TAFA4: variants seen among roughly 807,000 people sequenced by gnomAD.
The protein encoded by TAFA4 is TAFA chemokine like family member 4.
TAFA4 carries 20 observed loss-of-function variants against 21.1 expected under a neutral mutation model. The ratio of observed to expected loss-of-function variants is 0.95; its 90% CI spans 0.67 to 1.38. The LOEUF is 1.38. TAFA4 is among the 40% of genes most tolerant of loss of function. The pLI is 0.00. For missense variants in TAFA4, 211 were observed against 180.9 expected (o/e 1.17, Z -0.95); for synonymous variants, 71 against 67.4 (o/e 1.05, Z -0.26).
intron 1 of TAFA4, among the ~76,000 whole-genome samples, chr3:68,912,395 G>C (rs980195219): frequency 6.6e-6 from 1 of 152,244 alleles, no homozygotes; most frequent in Non-Finnish European, 1.5e-5. Flanking sequence ...CAAAATGTTA[G>C]ATGCCTGACT....
chr3:68,895,802 G>A (rs1246565439), intron 1 of TAFA4, among the ~76,000 whole-genome samples: 8 of 152,168 alleles, frequency 5.3e-5, no homozygotes, highest in Non-Finnish European at 1.0e-4. Context: ...ATAGCATGTG[G>A]AGACAAACAG....
intron 1 of TAFA4, among the ~76,000 whole-genome samples, chr3:68,887,559 A>G (rs1352100766): frequency 6.6e-6 from 1 of 151,974 alleles, no homozygotes; most frequent in Non-Finnish European, 1.5e-5. Context: ...TGCCTGATAC[A>G]TCTTTTGGAA....
chr3:68,879,790 A>C (rs780458592), intron 3 of TAFA4, among the ~76,000 whole-genome samples: 23 of 152,312 alleles, frequency 1.5e-4, no homozygotes, highest in Non-Finnish European at 2.5e-4. Flanking sequence ...TGGTGGTAAG[A>C]ATATCTCATG....
intron 1 of TAFA4, among the ~76,000 whole-genome samples, chr3:68,893,097 T>C (rs1027590428): frequency 6.6e-6 from 1 of 152,202 alleles, no homozygotes; most frequent in Non-Finnish European, 1.5e-5. Flanking sequence ...TGGACCAGTT[T>C]TTAATTGGAA....
intron 1 of TAFA4, among the ~76,000 whole-genome samples, chr3:68,896,096 G>A (rs2089785939): frequency 6.6e-6 from 1 of 152,146 alleles, no homozygotes; most frequent in Admixed American, 6.5e-5. Context: ...GGTAGCTAGG[G>A]AGGCCAGAGG....
At chr3:68,828,215 T>C (rs1017229469) in intron 3 of TAFA4, among the ~76,000 whole-genome samples, 1 of 152,194 alleles carries the variant, frequency 6.6e-6, no homozygotes, top group East Asian at 1.9e-4. Flanking sequence ...CTGAGGCCTC[T>C]GTTCTGTTCC....
chr3:68,776,553 C>T (rs1332235138), intron 3 of TAFA4, among the ~76,000 whole-genome samples: 2 of 152,170 alleles, frequency 1.3e-5, no homozygotes, highest in Non-Finnish European at 2.9e-5. Flanking sequence ...GACCATTCTA[C>T]ATCCATAGTT....
intron 3 of TAFA4, among the ~76,000 whole-genome samples, chr3:68,833,530 A>T (rs1704451273): frequency 6.6e-6 from 1 of 152,184 alleles, no homozygotes; most frequent in Non-Finnish European, 1.5e-5. Flanking sequence ...TTGACTACCT[A>T]AAGCATTTAG....
intron 1 of TAFA4, among the ~76,000 whole-genome samples, chr3:68,894,519 A>C (rs953328164): frequency 6.6e-6 from 1 of 152,156 alleles, no homozygotes; most frequent in African/African-American, 2.4e-5. Flanking sequence ...AAGATGTTCA[A>C]ACATCCAGCC....
chr3:68,926,046 A>T (rs2090105264), intron 1 of TAFA4, among the ~76,000 whole-genome samples: 1 of 152,218 alleles, frequency 6.6e-6, no homozygotes, highest in Non-Finnish European at 1.5e-5. Flanking sequence ...AGCCTGGTCA[A>T]CATGGTGAAA....
intron 3 of TAFA4, among the ~76,000 whole-genome samples, chr3:68,879,829 C>A (rs1403068090): frequency 1.3e-5 from 2 of 152,126 alleles, no homozygotes; most frequent in Non-Finnish European, 2.9e-5. Flanking sequence ...CCTTTGGAGA[C>A]AGAATTTATA....
At chr3:68,810,473 CT>C (rs1251739118) in intron 3 of TAFA4, among the ~76,000 whole-genome samples, 3 of 152,200 alleles carry the variant, frequency 2.0e-5, no homozygotes, top group Non-Finnish European at 4.4e-5. Context: ...CACTCCCACC[CT>C]AATACTGCAC....
At chr3:68,930,178 A>G (rs184117720) in intron 1 of TAFA4, among the ~76,000 whole-genome samples, 91 of 152,296 alleles carry the variant, frequency 6.0e-4, no homozygotes, top group Non-Finnish European at 1.2e-4. Flanking sequence ...TCATCAAACA[A>G]TACACATGTC....
intron 3 of TAFA4, among the ~76,000 whole-genome samples, chr3:68,875,868 C>T (rs1014818231): frequency 1.3e-5 from 2 of 151,188 alleles, no homozygotes; most frequent in Non-Finnish European, 2.9e-5. Flanking sequence ...CTTGAGGTTA[C>T]GAATCCCACT....
At chr3:68,883,657 T>C (rs2089640961) in intron 2 of TAFA4, among the ~76,000 whole-genome samples, 1 of 152,212 alleles carries the variant, frequency 6.6e-6, no homozygotes, top group African/African-American at 2.4e-5. Context: ...AACCATAAAT[T>C]GATCGATAAT....
chr3:68,820,606 C>T (rs1260216601), intron 3 of TAFA4, among the ~76,000 whole-genome samples: 1 of 152,070 alleles, frequency 6.6e-6, no homozygotes. Flanking sequence ...GTCAAGGCTG[C>T]AGTGAGCCAT....
intron 3 of TAFA4, among the ~76,000 whole-genome samples, chr3:68,824,257 A>G (rs748611960): frequency 3.3e-5 from 5 of 152,252 alleles, no homozygotes; most frequent in Non-Finnish European, 7.3e-5. Flanking sequence ...ATGGTTCTAC[A>G]TGTCACAAGT....
At chr3:68,889,015 A>G (rs2089704616) in intron 1 of TAFA4, among the ~76,000 whole-genome samples, 3 of 152,206 alleles carry the variant, frequency 2.0e-5, no homozygotes, top group Non-Finnish European at 4.4e-5. Context: ...ATTTACTTGC[A>G]ATCATTTTAT....
intron 4 of TAFA4, among the ~76,000 whole-genome samples, chr3:68,749,615 C>T (rs191059618): frequency 6.6e-6 from 1 of 152,340 alleles, no homozygotes; most frequent in African/African-American, 2.4e-5. Context: ...AAAGCTTAAA[C>T]TTCCTACACT....
Sources: allele counts gnomAD v4.1 joint callset (sites outside exome capture counted in the v4.1 genomes callset), GRCh38; gene constraint gnomAD v4.1.1; transcripts MANE v1.5; gene names NCBI Gene and HGNC (gene_info 2026-07-23, HGNC 2026-07-21).